The following SDSL variants were observed in gnomAD, a reference collection of about 807,000 sequenced individuals.
The protein encoded by SDSL is serine dehydratase like.
In SDSL, 26 loss-of-function variants were observed where a neutral mutation model predicts 27.6. That is an observed-to-expected ratio of 0.94 (90% confidence interval 0.69 to 1.31). The LOEUF (loss-of-function observed/expected upper bound fraction) is 1.31, where lower values mean the gene tolerates loss of function less well. Ranked by LOEUF, SDSL falls within the 50% of genes most tolerant of loss-of-function variation. SDSL has a pLI of 0.00. For synonymous variants in SDSL, 196 were observed against 180.6 expected (o/e 1.09, Z -0.69); for missense variants, 431 against 423.5 (o/e 1.02, Z -0.16).
chr12:113,434,023 T>C, intron 4 of SDSL, 111 bp from the exon 5 acceptor site: 2 of 815,408 alleles, frequency 2.5e-6, no homozygotes, highest in Non-Finnish European at 4.0e-6. Context: ...TCTGCAGGGC[T>C]GTCCCCAGAC....
chr12:113,432,490 C>T (rs1030400740), intron 4 of SDSL, among the ~76,000 whole-genome samples: 1 of 151,584 alleles, frequency 6.6e-6, no homozygotes, highest in Admixed American at 6.6e-5. Context: ...TACAGGTGCA[C>T]GCCACCACAC....
At position 113,435,499 on chromosome 12, in the gene SDSL, A is replaced by G. The variant is rs749769632; in HGVS notation, c.614A>G (p.His205Arg). ...PIIAMETHGA[H>R]CFNAAITAGK... ...ATTGCCATGGAGACCCATGGGGCACACTGCTTCAATGCGGCCATCACAGCC... is the reference window on the plus strand; with the variant it reads ...ATTGCCATGGAGACCCATGGGGCACGCTGCTTCAATGCGGCCATCACAGCC... Residue 205 changes from histidine (H) to arginine (R), a missense_variant, in exon 6 of 8, where the codon CAC (histidine) becomes CGC (arginine). By Grantham distance (29) the His-to-Arg change is conservative. Transcript: ENST00000403593. 2.5e-6 allele frequency: 4 copies of G among 1,614,004 alleles called. No homozygotes were observed. In the African/African-American group the frequency reaches 4.0e-5, roughly 16 times the overall value.
rs200232854 is a variant in SDSL at position 113,429,222 on chromosome 12, G to A, written c.277G>A (p.Val93Met). The stretch of plus-strand genomic sequence containing the variant: ...GAAGCTGGGCATTCCTGCCACCATC[G>A]TGCTCCCCGAGAGCACCTCCCTGCA... ...ARKLGIPATI[V>M]LPESTSLQVV... Residue 93 changes from valine (V) to methionine (M), a missense_variant, in exon 4 of 8, where the codon GTG (valine) becomes ATG (methionine). Physicochemically the swap from Val to Met is conservative, Grantham distance 21. Coordinates refer to ENST00000403593, the MANE Select transcript of SDSL (RefSeq NM_001304993.2). 5.9e-5 allele frequency: 95 copies of A among 1,613,826 alleles called. No individual in the cohort carries two copies. In the African/African-American group the frequency reaches 1.1e-3, roughly 19 times the overall value.
At chr12:113,423,440 G>A (rs1308266432) in intron 1 of SDSL, among the ~76,000 whole-genome samples, 1 of 152,102 alleles carries the variant, frequency 6.6e-6, no homozygotes, top group African/African-American at 2.4e-5. Context: ...AGTCAATGGT[G>A]AGTTAATGAC....
intron 1 of SDSL, among the ~76,000 whole-genome samples, chr12:113,424,163 C>T (rs1322563542): frequency 6.6e-6 from 1 of 152,118 alleles, no homozygotes; most frequent in Non-Finnish European, 1.5e-5. Context: ...GCTGGGATTA[C>T]AGGCATGCGC....
At position 113,429,160 on chromosome 12, in the gene SDSL, G is replaced by A. The variant is rs763267486; in HGVS notation, c.215G>A (p.Gly72Glu). The A allele has an allele frequency of 3.1e-6, 5 of 1,612,106 alleles. No homozygotes were observed. The highest frequency in any genetic ancestry group is 3.3e-5 in the Admixed American group (2 of 59,944). ...TGCCCCTTTCCTCCTTTCTGCACAG[G>A]GGGTAATGCGGGCATCGCTGCTGCC... Reference protein sequence around the residue: ...KGCRHLVCSSGGNAGIAAAYA... With the variant: ...KGCRHLVCSSEGNAGIAAAYA... Residue 72 changes from glycine to glutamate, a missense_variant and splice_region_variant, in exon 4 of 8, where the codon GGG (glycine) becomes GAG (glutamate). Transcript: ENST00000403593.
rs747863942 is a variant in SDSL, at chr12:113,429,304, G to C, written c.354+5G>C. Reference sequence around the variant, plus strand: ...GAGGTTCAGCTGACTGGAAAGGTAAGGGCTCTGGGAAGGGGAGAACCATCT... The same window carrying C: ...GAGGTTCAGCTGACTGGAAAGGTAACGGCTCTGGGAAGGGGAGAACCATCT... On this transcript the variant is annotated splice_donor_5th_base_variant and intron_variant, in intron 4 of 7. Coordinates refer to ENST00000403593, the MANE Select transcript of SDSL (RefSeq NM_001304993.2). The C allele has an allele frequency of 6.8e-6, 11 of 1,606,644 alleles. No homozygotes were observed. The African/African-American group carries it at 9.4e-5, about 14-fold the overall frequency.
Position 113,435,540 on chromosome 12 carries a change from C to A in SDSL, c.655C>A (p.Leu219Ile), listed in dbSNP as rs1186198200. Residue 219 changes from leucine (L) to isoleucine (I), a missense_variant, in exon 6 of 8, where the codon CTT becomes ATT. Physicochemically the swap from Leu to Ile is conservative, Grantham distance 5. Coordinates refer to ENST00000403593, the MANE Select transcript of SDSL (RefSeq NM_001304993.2). ...AAITAGKLVT[L>I]PDITSVAKSL... is the part of the protein sequence containing the mutation. ...CATCACAGCCGGCAAGCTGGTCACA[C>A]TTCCAGACATCACCAGGTGGGTAAG... 6.2e-7 allele frequency: 1 copy of A among 1,613,398 alleles called. No individual in the cohort carries two copies. The highest frequency in any genetic ancestry group is 8.5e-7 in the Non-Finnish European group (1 of 1,179,566).
chr12:113,437,914 C>T lies in SDSL; in HGVS notation c.825C>T (p.Ala275=). 2.5e-6 allele frequency: 4 copies of T among 1,611,104 alleles called. No homozygotes were observed. Among genetic ancestry groups the T allele is most frequent in the Non-Finnish European group, 3.4e-6 (4 of 1,178,898 alleles). ...ATGAGCGTATGCTGGTGGAGCCTGC[C>T]TGTGGGGCAGCCTTAGCAGCCATCT... is the stretch of plus-strand genomic sequence containing the variant. The part of the protein sequence containing the change: ...LDDERMLVEP[A]CGAALAAIYS... The change falls in exon 8 of 8, where the codon GCC becomes GCT. Residue 275 remains alanine, a synonymous_variant. Coordinates refer to ENST00000403593, the MANE Select transcript of SDSL (RefSeq NM_001304993.2).
chr12:113,430,485 T>C (rs11832641), intron 4 of SDSL, among the ~76,000 whole-genome samples: 15,028 of 152,130 alleles, frequency 0.099, 1,316 homozygotes, highest in African/African-American at 0.24. Flanking sequence ...GGTTCTGCTT[T>C]GGAATGTGGG....
Position 113,432,620 on chromosome 12 carries a change from G to A in SDSL, c.355-1514G>A, listed in dbSNP as rs138041519. ...CTCTCAAAGTGCTGGGATTACAGGCGTGAGCCACTGCGCCCAGCTGACAGG... is the reference window on the plus strand; with the variant it reads ...CTCTCAAAGTGCTGGGATTACAGGCATGAGCCACTGCGCCCAGCTGACAGG... On this transcript the variant is annotated intron_variant, in intron 4 of 7. Coordinates refer to ENST00000403593, the MANE Select transcript of SDSL (RefSeq NM_001304993.2). Among the ~76,000 whole-genome samples, 1,277 of 152,226 alleles carry A rather than the reference G, an allele frequency of 8.4e-3. 10 individuals carry two copies. The highest frequency in any genetic ancestry group is 0.019 in the South Asian group (93 of 4,822).
intron 1 of SDSL, chr12:113,426,082 C>T (rs1957846552): frequency 4.6e-6 from 2 of 439,008 alleles, no homozygotes; most frequent in Non-Finnish European, 9.2e-6. Flanking sequence ...AACCAAACTC[C>T]TCTCCGTGGG....
At chr12:113,423,564 A>G (rs971439418) in intron 1 of SDSL, among the ~76,000 whole-genome samples, 1 of 152,146 alleles carries the variant, frequency 6.6e-6, no homozygotes, top group African/African-American at 2.4e-5. Context: ...ACAACTCAGC[A>G]AAACTGCATC....
At chr12:113,436,998 T>G in intron 7 of SDSL, 123 bp downstream of exon 7, 1 of 1,026,390 alleles carries the variant, frequency 9.7e-7, no homozygotes, top group East Asian at 3.1e-5. Context: ...GTGCAGTTAC[T>G]GTGCACTAAG....
intron 4 of SDSL, among the ~76,000 whole-genome samples, chr12:113,429,529 G>A (rs1363213712): frequency 6.6e-6 from 1 of 152,186 alleles, no homozygotes; most frequent in Non-Finnish European, 1.5e-5. Flanking sequence ...TGTGAACCAA[G>A]ACAAATGGGA....
chr12:113,427,617 A>C (rs1174704818), intron 1 of SDSL, among the ~76,000 whole-genome samples: 1 of 152,176 alleles, frequency 6.6e-6, no homozygotes, highest in Non-Finnish European at 1.5e-5. Context: ...GGGTCCCCAA[A>C]CCTGGAAATG....
chr12:113,423,317 C>T (rs1382782034), intron 1 of SDSL, among the ~76,000 whole-genome samples: 1 of 152,222 alleles, frequency 6.6e-6, no homozygotes, highest in Non-Finnish European at 1.5e-5. Context: ...GTTAATAGCA[C>T]AGATGCCAAA....
Position 113,435,338 on chromosome 12 carries a change from C to G in SDSL, c.453C>G (p.His151Gln). 1 of 1,527,736 alleles carries G rather than the reference C, an allele frequency of 6.5e-7. No individual in the cohort carries two copies. The highest frequency in any genetic ancestry group is 8.8e-7 in the Non-Finnish European group (1 of 1,136,070). 94.6% of individuals were successfully genotyped at this position (1,527,736 alleles called of 1,614,324 possible). ...CACCCCCCCTCCCCAGGAAAGGCCA[C>G]GCCAGCCTGGTGCAGGAGCTGAAAG... ...PFDHPLIWKG[H>Q]ASLVQELKAV... The change falls in exon 6 of 8, where the codon CAC (histidine) becomes CAG (glutamine). Residue 151 changes from histidine (H) to glutamine (Q), a missense_variant. By Grantham distance (24) the His-to-Gln change is conservative. Transcript: ENST00000403593.
Position 113,437,991 on chromosome 12 carries a change from T to G in SDSL, c.902T>G (p.Leu301Arg). 2 of 1,614,204 alleles carry G rather than the reference T, an allele frequency of 1.2e-6. No individual in the cohort carries two copies. The highest frequency in any genetic ancestry group is 1.6e-4 in the Middle Eastern group (1 of 6,062). The change falls in exon 8 of 8, where the codon CTG becomes CGG. Residue 301 changes from leucine (L) to arginine (R), a missense_variant. Leu to Arg is a moderately radical substitution (Grantham distance 102, BLOSUM62 -2). Transcript: ENST00000403593. ...GCCGAGGGCTGCCTGCCCCCTTCCC[T>G]GACTTCAGTTGTGGTAATCGTGTGT... ...LQAEGCLPPS[L>R]TSVVVIVCGG...
Sources: allele counts gnomAD v4.1 joint callset (sites outside exome capture counted in the v4.1 genomes callset), GRCh38; gene constraint gnomAD v4.1.1; transcripts MANE v1.5; gene names NCBI Gene and HGNC (gene_info 2026-07-23, HGNC 2026-07-21).